The following PARD3 variants were observed in gnomAD, a reference collection of about 807,000 sequenced individuals.
PARD3 encodes par-3 family cell polarity regulator, also known as partitioning defective 3 homolog.
Under a neutral mutation model 155.4 loss-of-function variants are expected in PARD3, and 75 were observed. That is an observed-to-expected ratio of 0.48 (90% CI 0.40 to 0.58). PARD3 has a LOEUF of 0.58. Among genes scored for constraint, PARD3 ranks in the 20% least tolerant of loss-of-function variants. The pLI is 0.00. For missense variants in PARD3, 1,642 were observed against 1,721.7 expected (o/e 0.95, Z 0.82); for synonymous variants, 576 against 610.5 (o/e 0.94, Z 0.83).
chr10:34,350,755 A>G (rs1837984454), intron 14 of PARD3, among the ~76,000 whole-genome samples: 1 of 152,140 alleles, frequency 6.6e-6, no homozygotes, highest in Non-Finnish European at 1.5e-5. Flanking sequence ...TCTTGACTCC[A>G]ACTAAATACA....
intron 4 of PARD3, 44 bp downstream of exon 4, chr10:34,470,041 T>G: frequency 6.7e-7 from 1 of 1,482,360 alleles, no homozygotes; most frequent in Non-Finnish European, 9.1e-7. Context: ...CACCAAGAAG[T>G]CAGGAGGGGC....
chr10:34,699,911 T>A (rs1034797082), intron 1 of PARD3, among the ~76,000 whole-genome samples: 23 of 152,214 alleles, frequency 1.5e-4, no homozygotes, highest in South Asian at 4.1e-4. Flanking sequence ...AGCCACTTTT[T>A]ATACTACCAA....
chr10:34,602,223 A>G (rs1289116896), intron 2 of PARD3, among the ~76,000 whole-genome samples: 2 of 152,206 alleles, frequency 1.3e-5, no homozygotes, highest in East Asian at 1.9e-4. Context: ...AGATCAATAT[A>G]TGTTTACACT....
At chr10:34,783,371 G>A (rs527786821) in intron 1 of PARD3, among the ~76,000 whole-genome samples, 4 of 152,052 alleles carry the variant, frequency 2.6e-5, no homozygotes, top group South Asian at 4.2e-4. Flanking sequence ...TTCGGAGGCC[G>A]AGGCGGGCAG....
chr10:34,800,852 C>T lies in PARD3; in HGVS notation c.120+14024G>A, dbSNP rs534981259. Among the ~76,000 whole-genome samples the T allele has an allele frequency of 3.3e-5, 5 of 152,182 alleles. No homozygotes were observed. The South Asian group carries it at 8.3e-4, about 25-fold the overall frequency. ...AAGAGCTTTCGATCATGAGTCCTGA[C>T]CTAAAAAGCTTTCTAACACCAAAAG... On this transcript the variant is annotated intron_variant, in intron 1 of 24. Transcript: ENST00000374788.
intron 20 of PARD3, among the ~76,000 whole-genome samples, chr10:34,285,355 T>C (rs1255834709): frequency 6.6e-6 from 1 of 151,958 alleles, no homozygotes; most frequent in Admixed American, 6.6e-5. Context: ...GCAGAAGGAC[T>C]GCTTGAGCTC....
intron 2 of PARD3, among the ~76,000 whole-genome samples, chr10:34,524,295 T>C (rs2082334952): frequency 6.6e-6 from 1 of 152,200 alleles, no homozygotes; most frequent in Non-Finnish European, 1.5e-5. Flanking sequence ...GGGAGACCTG[T>C]CCGACAAGAG....
intron 4 of PARD3, among the ~76,000 whole-genome samples, chr10:34,456,568 G>A (rs1420310186): frequency 6.6e-6 from 1 of 152,136 alleles, no homozygotes; most frequent in Non-Finnish European, 1.5e-5. Flanking sequence ...AAAGTGCTAG[G>A]ATTACAGGCG....
intron 2 of PARD3, among the ~76,000 whole-genome samples, chr10:34,532,811 T>G: frequency 6.6e-6 from 1 of 152,242 alleles, no homozygotes; most frequent in East Asian, 1.9e-4. Flanking sequence ...GAAAGATCTC[T>G]TCCAGTTGTT....
At chr10:34,515,750 A>G (rs2081690462) in intron 3 of PARD3, among the ~76,000 whole-genome samples, 1 of 152,188 alleles carries the variant, frequency 6.6e-6, no homozygotes, top group African/African-American at 2.4e-5. Flanking sequence ...AAAAAAGGGA[A>G]TTAGGATGCA....
At chr10:34,154,528 C>A (rs962290956) in intron 22 of PARD3, among the ~76,000 whole-genome samples, 1 of 152,204 alleles carries the variant, frequency 6.6e-6, no homozygotes, top group African/African-American at 2.4e-5. Flanking sequence ...TGATTTTCCT[C>A]ATCAACAAGG....
At chr10:34,262,266 T>A (rs78620500) in intron 22 of PARD3, among the ~76,000 whole-genome samples, 8 of 152,130 alleles carry the variant, frequency 5.3e-5, no homozygotes, top group South Asian at 2.1e-4. Flanking sequence ...TTTTTTTTTT[T>A]AAATGTTTTT....
At chr10:34,456,421 C>T (rs777679531) in intron 4 of PARD3, among the ~76,000 whole-genome samples, 3 of 152,044 alleles carry the variant, frequency 2.0e-5, no homozygotes, top group Non-Finnish European at 4.4e-5. Context: ...CTCAGCCTCC[C>T]GAGTAGCTGG....
At chr10:34,559,500 ATT>A (rs1454512638) in intron 2 of PARD3, among the ~76,000 whole-genome samples, 1 of 152,044 alleles carries the variant, frequency 6.6e-6, no homozygotes, top group African/African-American at 2.4e-5. Context: ...CTTTCACAGT[ATT>A]TCCTAAAGGA....
intron 1 of PARD3, among the ~76,000 whole-genome samples, chr10:34,787,360 C>G (rs139346593): frequency 1.3e-5 from 2 of 152,196 alleles, no homozygotes; most frequent in Non-Finnish European, 2.9e-5. Flanking sequence ...GCCTGGGCAA[C>G]AGAGTGAGAC....
intron 22 of PARD3, among the ~76,000 whole-genome samples, chr10:34,135,891 T>C (rs1393740695): frequency 6.6e-6 from 1 of 152,218 alleles, no homozygotes; most frequent in African/African-American, 2.4e-5. Context: ...TGCAGGTATA[T>C]GGACAACACT....
At chr10:34,369,704 G>T (rs140684302) in intron 12 of PARD3, among the ~76,000 whole-genome samples, 6 of 152,110 alleles carry the variant, frequency 3.9e-5, no homozygotes, top group Non-Finnish European at 7.4e-5. Context: ...CCATTCCTGT[G>T]GTTTAAAGTT....
intron 12 of PARD3, among the ~76,000 whole-genome samples, chr10:34,366,162 T>C (rs1839948756): frequency 1.3e-5 from 2 of 152,174 alleles, no homozygotes; most frequent in Non-Finnish European, 2.9e-5. Context: ...GGTCCACAAC[T>C]TACAATGTTT....
Position 34,411,151 on chromosome 10 carries a change from G to T in PARD3, c.715-9234C>A, listed in dbSNP as rs115158823. 2.6e-3 allele frequency among the ~76,000 whole-genome samples: 395 copies of T among 152,300 alleles called. 2 individuals carry two copies. The highest frequency in any genetic ancestry group is 9.0e-3 in the African/African-American group (373 of 41,582). Reference sequence around the variant, plus strand: ...TTAGACAGCTGCTCTAACAGACAGAGATGGGGGAGGAGGGAGATAGGGAGA... The same window carrying T: ...TTAGACAGCTGCTCTAACAGACAGATATGGGGGAGGAGGGAGATAGGGAGA... On this transcript the variant is annotated intron_variant, in intron 5 of 24. Coordinates refer to ENST00000374788, the MANE Select transcript of PARD3 (RefSeq NM_001184785.2).
Sources: allele counts gnomAD v4.1 joint callset (sites outside exome capture counted in the v4.1 genomes callset), GRCh38; gene constraint gnomAD v4.1.1; transcripts MANE v1.5; gene names NCBI Gene and HGNC (gene_info 2026-07-23, HGNC 2026-07-21).